The following ZWILCH variants were observed in gnomAD, a reference collection of about 807,000 sequenced individuals.
The protein encoded by ZWILCH is protein zwilch homolog.
A neutral mutation model predicts 79.9 loss-of-function variants in ZWILCH; 74 were observed. That is an observed-to-expected ratio of 0.93 (90% CI 0.77 to 1.12). ZWILCH has a LOEUF of 1.12. Among genes scored for constraint, ZWILCH ranks in the 50% most tolerant of loss-of-function variants. ZWILCH has a pLI of 0.00. For missense variants in ZWILCH, 694 were observed against 687.5 expected, an observed-to-expected ratio of 1.01 and a Z score of -0.11; for synonymous variants, 241 against 228.2, an observed-to-expected ratio of 1.06 and a Z score of -0.51.
intron 1 of ZWILCH, chr15:66,505,753 G>A (rs1397226919): frequency 3.3e-6 from 1 of 307,492 alleles, no homozygotes; most frequent in South Asian, 3.5e-5. Context: ...TGACTCCTAA[G>A]AATGAAATGT....
rs995954805 is a variant in ZWILCH at position 66,549,574 on chromosome 15, T to G, written c.*1250T>G. ...TTAGACCCCATTACATAGGAAATGATGTCTTCTATGAAGACAGGGACCTTG... is the reference window on the plus strand; with the variant it reads ...TTAGACCCCATTACATAGGAAATGAGGTCTTCTATGAAGACAGGGACCTTG... On this transcript the variant is annotated 3_prime_UTR_variant, in exon 19 of 19. Transcript: ENST00000307897. 2 of 152,544 alleles carry G rather than the reference T, an allele frequency of 1.3e-5. No individual in the cohort carries two copies. Among genetic ancestry groups the G allele is most frequent in the Non-Finnish European group, 2.9e-5 (2 of 68,302 alleles). The allele number at this position is 152,544 out of a possible 1,614,324, so 9.4% of individuals were successfully genotyped here.
intron 4 of ZWILCH, among the ~76,000 whole-genome samples, chr15:66,516,497 G>GA (rs942725676): frequency 6.7e-6 from 1 of 149,504 alleles, no homozygotes; most frequent in Non-Finnish European, 1.5e-5. Context: ...CTCTATAGAA[G>GA]TTTTTTTTTT....
At chr15:66,532,837 C>T (rs1595918007) in intron 13 of ZWILCH, 148 bp from the exon 14 acceptor site, 2 of 505,532 alleles carry the variant, frequency 4.0e-6, no homozygotes, top group East Asian at 8.4e-5. Context: ...CAATCTCTTT[C>T]ATATAGGAAC....
chr15:66,513,720 C>A (rs1237508110), intron 2 of ZWILCH, among the ~76,000 whole-genome samples: 1 of 151,852 alleles, frequency 6.6e-6, no homozygotes, highest in South Asian at 2.1e-4. Context: ...TACAGGCGCC[C>A]GCCACCACGC....
chr15:66,536,503 G>A (rs1480230868), intron 15 of ZWILCH, among the ~76,000 whole-genome samples: 1 of 152,180 alleles, frequency 6.6e-6, no homozygotes, highest in Non-Finnish European at 1.5e-5. Flanking sequence ...GCTGTAATTT[G>A]AGATTCCAAT....
intron 1 of ZWILCH, among the ~76,000 whole-genome samples, chr15:66,507,695 G>A (rs891168749): frequency 3.3e-5 from 5 of 152,092 alleles, no homozygotes; most frequent in East Asian, 1.9e-4. Context: ...AGGAGTGACT[G>A]GCCTCTATTA....
At chr15:66,512,327 A>G (rs1894097857) in intron 2 of ZWILCH, among the ~76,000 whole-genome samples, 1 of 150,640 alleles carries the variant, frequency 6.6e-6, no homozygotes. Context: ...AGTATGATCA[A>G]AGTTCACTGC....
At chr15:66,520,794 C>G in intron 6 of ZWILCH, 134 bp downstream of exon 6, 1 of 726,576 alleles carries the variant, frequency 1.4e-6, no homozygotes. Flanking sequence ...TGTTTATTTT[C>G]ATATCAGCTA....
rs1209711278 is a variant in ZWILCH at position 66,509,867 on chromosome 15, ATATC to A, written c.105+977_105+980del. On this transcript the variant is annotated intron_variant, in intron 2 of 18. Coordinates refer to ENST00000307897, the MANE Select transcript of ZWILCH (RefSeq NM_017975.5). ...TATATATATATATATATATATATAT[ATATC>A]TCTTAAAAATCAATGAGGAAGATGG... Among the ~76,000 whole-genome samples the A allele has an allele frequency of 3.1e-3, 289 of 91,816 alleles. 7 individuals carry two copies. Among genetic ancestry groups the A allele is most frequent in the Non-Finnish European group, 5.2e-3 (223 of 42,604 alleles). The allele number at this position is 91,816 out of a possible 152,430, so 60.2% of individuals were successfully genotyped here. A position where few individuals can be genotyped will look rare whatever the true frequency, so the allele number is the denominator to read the frequency against.
In ZWILCH at chr15:66,517,430, G is replaced by GTGTGTGTGTGTGTGTGTATATATATATA; in HGVS notation, c.321-1448_321-1447insGTGTGTGTGTGTGTGTATATATATATAT. Among the ~76,000 whole-genome samples, 111 of 66,454 alleles carry GTGTGTGTGTGTGTGTGTATATATATATA rather than the reference G, an allele frequency of 1.7e-3. 1 individual carries two copies. Among genetic ancestry groups the GTGTGTGTGTGTGTGTGTATATATATATA allele is most frequent in the Non-Finnish European group, 2.3e-3 (78 of 34,038 alleles). 43.6% of individuals were successfully genotyped at this position (66,454 alleles called of 152,430 possible). A position where few individuals can be genotyped will look rare whatever the true frequency, so the allele number is the denominator to read the frequency against. The stretch of plus-strand genomic sequence containing the variant: ...TGTTTGTGTGTGCGTGTGTGTGTGT[G>GTGTGTGTGTGTGTGTGTATATATATATA]TATATATATATATATATATATATAT... On this transcript the variant is annotated intron_variant, in intron 4 of 18. Coordinates refer to ENST00000307897, the MANE Select transcript of ZWILCH (RefSeq NM_017975.5).
rs777717814 is a variant in ZWILCH at position 66,535,960 on chromosome 15, A to G, written c.1369A>G (p.Ile457Val). 2.7e-5 allele frequency: 43 copies of G among 1,608,854 alleles called. No individual in the cohort carries two copies. The South Asian group carries it at 4.7e-4, about 18-fold the overall frequency. ...LEYFIAPSVD[I>V]QEQVYRVQKL... ...ATACTTCATTGCTCCATCAGTAGAT[A>G]TACAAGAACAGGTTTATCGTGTCCA... Residue 457 changes from isoleucine (I) to valine (V), a missense_variant, in exon 15 of 19, where the codon ATA becomes GTA. Coordinates refer to ENST00000307897, the MANE Select transcript of ZWILCH (RefSeq NM_017975.5).
At chr15:66,540,447 C>T (rs534088329) in intron 17 of ZWILCH, among the ~76,000 whole-genome samples, 41 of 151,936 alleles carry the variant, frequency 2.7e-4, no homozygotes, top group Middle Eastern at 3.4e-3. Context: ...CAACTACTCA[C>T]GTGGCTAAGG....
chr15:66,542,096 G>A (rs1338540771), intron 17 of ZWILCH, among the ~76,000 whole-genome samples: 1 of 152,134 alleles, frequency 6.6e-6, no homozygotes, highest in African/African-American at 2.4e-5. Context: ...CTGAGAATCA[G>A]CTGTAAAAGT....
chr15:66,535,979 G>A lies in ZWILCH; in HGVS notation c.1388G>A (p.Arg463His), dbSNP rs200770623. The A allele has an allele frequency of 2.8e-5, 45 of 1,611,942 alleles. No homozygotes were observed. Among genetic ancestry groups the A allele is most frequent in the Admixed American group, 1.2e-4 (7 of 59,738 alleles). Residue 463 changes from arginine (R) to histidine (H), a missense_variant, in exon 15 of 19, where the codon CGT becomes CAT. Arg to His is a conservative substitution (Grantham distance 29, BLOSUM62 0). Coordinates refer to ENST00000307897, the MANE Select transcript of ZWILCH (RefSeq NM_017975.5). Reference sequence around the variant, plus strand: ...GTAGATATACAAGAACAGGTTTATCGTGTCCAAAAACTCCACCATATTCTA... The same window carrying A: ...GTAGATATACAAGAACAGGTTTATCATGTCCAAAAACTCCACCATATTCTA... ...PSVDIQEQVY[R>H]VQKLHHILEI...
intron 7 of ZWILCH, chr15:66,523,468 G>A (rs1372963403): frequency 6.5e-6 from 3 of 460,748 alleles, no homozygotes; most frequent in East Asian, 6.2e-5. Context: ...AAGAGGATAA[G>A]TGGTTTTAAT....
chr15:66,522,793 T>C (rs1419374835), intron 7 of ZWILCH, among the ~76,000 whole-genome samples: 1 of 152,160 alleles, frequency 6.6e-6, no homozygotes, highest in Non-Finnish European at 1.5e-5. Context: ...ATAGTGTTAA[T>C]AGTGGTTCCT....
At chr15:66,513,307 T>C (rs1238020661) in intron 2 of ZWILCH, among the ~76,000 whole-genome samples, 1 of 151,946 alleles carries the variant, frequency 6.6e-6, no homozygotes, top group Non-Finnish European at 1.5e-5. Flanking sequence ...GGCTCATGCC[T>C]GTATTCCCAG....
intron 4 of ZWILCH, among the ~76,000 whole-genome samples, chr15:66,518,034 C>T (rs1315745011): frequency 2.0e-5 from 3 of 151,714 alleles, no homozygotes; most frequent in African/African-American, 7.3e-5. Flanking sequence ...CCCGGCCTGG[C>T]TCCTACTTAT....
chr15:66,548,783 TA>T lies in ZWILCH; in HGVS notation c.*460del. On this transcript the variant is annotated 3_prime_UTR_variant, in exon 19 of 19. Coordinates refer to ENST00000307897, the MANE Select transcript of ZWILCH (RefSeq NM_017975.5). ...TAAATTAAATGTTATTTGAAAATGTTATAAGAGCTTTGTAAATATTTCAGAA... is the reference window on the plus strand; with the variant it reads ...TAAATTAAATGTTATTTGAAAATGTTTAAGAGCTTTGTAAATATTTCAGAA... 1 of 427,206 alleles carries T rather than the reference TA, an allele frequency of 2.3e-6. No individual in the cohort carries two copies. The highest frequency in any genetic ancestry group is 4.2e-6 in the Non-Finnish European group (1 of 238,010). The allele number at this position is 427,206 out of a possible 1,614,324, so 26.5% of individuals were successfully genotyped here.
Sources: gnomAD v4.1 joint callset for allele counts (sites outside exome capture counted in the v4.1 genomes callset) on GRCh38, gnomAD v4.1.1 for gene constraint, MANE v1.5 for transcripts, NCBI Gene and HGNC (gene_info 2026-07-23, HGNC 2026-07-21) for gene names.